DST: variants seen among roughly 807,000 people sequenced by gnomAD.
The protein encoded by DST is bullous pemphigoid antigen.
In DST, 253 loss-of-function variants were observed where a neutral mutation model predicts 875.2. The observed-to-expected ratio is 0.29, with a 90% CI of 0.26 to 0.32. The LOEUF (loss-of-function observed/expected upper bound fraction) is 0.32, where lower values mean the gene tolerates loss of function less well. Among genes scored for constraint, DST ranks in the 10% least tolerant of loss-of-function variants. The pLI, the probability that DST is intolerant of heterozygous loss-of-function variation, is 1.00. For synonymous variants in DST, 3,124 were observed against 3,197.1 expected (o/e 0.98, Z 0.77); for missense variants, 8,287 against 9,111.6 (o/e 0.91, Z 3.68).
At chr6:56,948,285 G>A (rs1435224121) in intron 2 of DST, among the ~76,000 whole-genome samples, 1 of 152,054 alleles carries the variant, frequency 6.6e-6, no homozygotes, top group Non-Finnish European at 1.5e-5. Flanking sequence ...GCATTTTGTG[G>A]CTTCTCTTTG....
chr6:56,591,829 G>A (rs538858460), intron 49 of DST, among the ~76,000 whole-genome samples: 13 of 151,622 alleles, frequency 8.6e-5, no homozygotes, highest in Non-Finnish European at 1.3e-4. Context: ...AAAAATTAGC[G>A]CCTGTAGTCC....
intron 36 of DST, chr6:56,619,380 T>C (rs753243772): frequency 1.2e-6 from 2 of 1,613,628 alleles, no homozygotes; most frequent in South Asian, 1.1e-5. Context: ...ATTTTATCAT[T>C]ATTTTCTTTT....
chr6:56,801,276 G>A (rs1018051173), intron 4 of DST, among the ~76,000 whole-genome samples: 1 of 152,070 alleles, frequency 6.6e-6, no homozygotes, highest in African/African-American at 2.4e-5. Flanking sequence ...CTCAAAGGCT[G>A]TTTTTCACTT....
intron 36 of DST, chr6:56,618,084 T>G: frequency 6.2e-7 from 1 of 1,614,162 alleles, no homozygotes; most frequent in Non-Finnish European, 8.5e-7. Flanking sequence ...TCTCTTATCT[T>G]CTCAATTTCA....
At chr6:56,834,994 C>T (rs886649924) in intron 4 of DST, among the ~76,000 whole-genome samples, 2 of 152,076 alleles carry the variant, frequency 1.3e-5, no homozygotes, top group African/African-American at 2.4e-5. Context: ...TACTTCCAGA[C>T]AATGAACTTA....
At position 56,607,178 on chromosome 6, in the gene DST, C is replaced by T; in HGVS notation, c.7450G>A (p.Glu2484Lys). The T allele has an allele frequency of 1.2e-6, 2 of 1,613,254 alleles. No homozygotes were observed. The highest frequency in any genetic ancestry group is 1.7e-6 in the Non-Finnish European group (2 of 1,179,486). Residue 2484 changes from glutamate (E) to lysine (K), a missense_variant, in exon 40 of 104, where the codon GAA becomes AAA. Glu to Lys is a moderately conservative substitution (Grantham distance 56). Transcript: ENST00000680361. ...CCCAGAAACTGGTCTTGAAATTTTT[C>T]TCCTATTCTTTGACCTGACAACATG... Reference protein sequence around the residue: ...KTMLSGQRIGEKFQDQFLGIA... With the variant: ...KTMLSGQRIGKKFQDQFLGIA...
At chr6:56,787,006 A>G (rs1281677401) in intron 4 of DST, among the ~76,000 whole-genome samples, 1 of 152,260 alleles carries the variant, frequency 6.6e-6, no homozygotes, top group Non-Finnish European at 1.5e-5. Flanking sequence ...CAGGATTATT[A>G]GTCACCATGT....
chr6:56,460,104 TTG>T (rs761591095), intron 103 of DST, 25 bp downstream of exon 103: 1 of 1,579,446 alleles, frequency 6.3e-7, no homozygotes, highest in Non-Finnish European at 8.6e-7. Context: ...GCAAAAGCCA[TTG>T]AAAAAAGAAA....
chr6:56,811,971 G>A (rs1330429106), intron 4 of DST, among the ~76,000 whole-genome samples: 3 of 151,550 alleles, frequency 2.0e-5, no homozygotes, highest in African/African-American at 7.3e-5. Context: ...GCGTAGTGGA[G>A]CACACCTGTA....
chr6:56,519,241 C>T (rs1037085602), intron 69 of DST, among the ~76,000 whole-genome samples: 2 of 152,150 alleles, frequency 1.3e-5, no homozygotes, highest in African/African-American at 4.8e-5. Flanking sequence ...GCCAAAGAAC[C>T]AGGAAAGGAG....
intron 36 of DST, chr6:56,619,852 A>T (rs1178851920): frequency 1.2e-6 from 2 of 1,613,898 alleles, no homozygotes; most frequent in Admixed American, 3.3e-5. Flanking sequence ...ACGTTTTTTC[A>T]AGCTGGAGGG....
Position 56,552,880 on chromosome 6 carries a change from G to A in DST, c.15912C>T (p.Ser5304=), listed in dbSNP as rs749890451. ...EQLDIHDSLG[S]QAYSNKYLTM... ...TCAGGTATTTGTTACTGTAAGCCTG[G>A]GATCCCAGCGAATCATGGATATCTA... Residue 5304 remains serine, a synonymous_variant, in exon 61 of 104, where the codon TCC becomes TCT. Coordinates refer to ENST00000680361, the MANE Select transcript of DST (RefSeq NM_001374736.1). 1.9e-6 allele frequency: 3 copies of A among 1,613,770 alleles called. No individual in the cohort carries two copies. Among genetic ancestry groups the A allele is most frequent in the African/African-American group, 2.7e-5 (2 of 74,916 alleles).
chr6:56,911,049 A>C (rs1369402164), intron 2 of DST, among the ~76,000 whole-genome samples: 1 of 152,170 alleles, frequency 6.6e-6, no homozygotes, highest in African/African-American at 2.4e-5. Context: ...CTGCCTGAGG[A>C]AGCATGTTTT....
rs1038902500 is a variant in DST, at chr6:56,497,485, A to C, written c.20117T>G (p.Ile6706Ser). The C allele has an allele frequency of 2.5e-6, 4 of 1,612,934 alleles. No homozygotes were observed. Among genetic ancestry groups the C allele is most frequent in the Admixed American group, 1.7e-5 (1 of 59,866 alleles). Residue 6706 changes from isoleucine to serine, a missense_variant, in exon 82 of 104, where the codon ATT (isoleucine) becomes AGT (serine). Ile to Ser is a moderately radical substitution (Grantham distance 142, BLOSUM62 -2). Transcript: ENST00000680361. ...LRQAKGFHGE[I>S]EDLQQWLTDT... ...AGTCAGCCACTGCTGCAAATCCTCA[A>C]TTTCGCCATGGAACCCTTTGGCCTG...
At chr6:56,786,899 A>T (rs2099706586) in intron 4 of DST, among the ~76,000 whole-genome samples, 1 of 152,242 alleles carries the variant, frequency 6.6e-6, no homozygotes, top group South Asian at 2.1e-4. Context: ...AGGGGATAAA[A>T]AAATCATCCA....
intron 50 of DST, among the ~76,000 whole-genome samples, chr6:56,578,478 T>C (rs935632469): frequency 1.3e-5 from 2 of 152,154 alleles, no homozygotes; most frequent in African/African-American, 4.8e-5. Flanking sequence ...GGCCTTAAGT[T>C]GAAGGCCTAA....
chr6:56,926,198 A>G (rs1592578121), intron 2 of DST, among the ~76,000 whole-genome samples: 1 of 152,224 alleles, frequency 6.6e-6, no homozygotes, highest in East Asian at 1.9e-4. Context: ...AAGTTCCTAC[A>G]GAGTCCATTT....
chr6:56,830,095 T>A (rs1371180868), intron 4 of DST, among the ~76,000 whole-genome samples: 1 of 152,174 alleles, frequency 6.6e-6, no homozygotes, highest in Non-Finnish European at 1.5e-5. Context: ...GACTTCTTTC[T>A]TATCTTGAAA....
At chr6:56,712,090 C>CAAAAAAAAAAAAAAAAAAAA (rs34769867) in intron 5 of DST, among the ~76,000 whole-genome samples, 8 of 76,532 alleles carry the variant, frequency 1.0e-4, no homozygotes, top group South Asian at 8.1e-4. Flanking sequence ...GACTCCGTCT[C>CAAAAAAAAAAAAAAAAAAAA]AAAAAAAAAA....
Sources: allele counts gnomAD v4.1 joint callset (sites outside exome capture counted in the v4.1 genomes callset), GRCh38; gene constraint gnomAD v4.1.1; transcripts MANE v1.5; gene names NCBI Gene and HGNC (gene_info 2026-07-23, HGNC 2026-07-21).